Variants in SRGAP2B observed in about 807,000 individuals in gnomAD.
SRGAP2B encodes SLIT-ROBO Rho GTPase activating protein 2B, also known as SLIT-ROBO Rho GTPase-activating protein 2B.
In SRGAP2B, 9 loss-of-function variants were observed where a neutral mutation model predicts 22.2. That is an observed-to-expected ratio of 0.41 (90% CI 0.24 to 0.71). The LOEUF (loss-of-function observed/expected upper bound fraction) is 0.71, where lower values mean the gene tolerates loss of function less well. Ranked by LOEUF, SRGAP2B falls within the 30% of genes least tolerant of loss-of-function variation. The pLI is 0.35. For synonymous variants in SRGAP2B, 36 were observed against 87.4 expected, an observed-to-expected ratio of 0.41 and a Z score of 3.28; for missense variants, 114 against 235.8, an observed-to-expected ratio of 0.48 and a Z score of 3.38.
chr1:145,056,952 AACACACACACAC>A (rs199492508), intron 2 of SRGAP2B, among the ~76,000 whole-genome samples: 3 of 123,250 alleles, frequency 2.4e-5, no homozygotes, highest in African/African-American at 5.7e-5. Flanking sequence ...AAGGAGATAA[AACACACACACAC>A]ACACACACAC....
chr1:144,979,997 C>T (rs1244156017), intron 3 of SRGAP2B, among the ~76,000 whole-genome samples: 2 of 150,724 alleles, frequency 1.3e-5, no homozygotes, highest in African/African-American at 5.0e-5. Context: ...AAAGGACACA[C>T]ATTTCCACCC....
At chr1:145,068,893 ATGTGTGTGTGTGTGTGTGTGTGTGTG>A (rs797031320) in intron 2 of SRGAP2B, among the ~76,000 whole-genome samples, 7 of 109,180 alleles carry the variant, frequency 6.4e-5, no homozygotes, top group East Asian at 2.7e-4. Context: ...ATAAGGTAAA[ATGTGTGTGTGTGTGTGTGTGTGTGTG>A]TGTGTGTGTG....
intron 4 of SRGAP2B, among the ~76,000 whole-genome samples, chr1:144,924,678 G>A (rs1553604719): frequency 2.0e-5 from 3 of 149,500 alleles, no homozygotes; most frequent in Non-Finnish European, 4.4e-5. Flanking sequence ...CTTGCAGTGA[G>A]CCAAGATCGC....
At chr1:145,045,045 A>C (rs1411950827) in intron 2 of SRGAP2B, among the ~76,000 whole-genome samples, 4 of 147,264 alleles carry the variant, frequency 2.7e-5, no homozygotes, top group Non-Finnish European at 6.0e-5. Context: ...AGAATGCCAC[A>C]GACTGCATAA....
chr1:144,914,559 GGTCACCCCCAGTGGGGACCATGCACTT>G, intron 5 of SRGAP2B, 106 bp downstream of exon 5: 2 of 604,414 alleles, frequency 3.3e-6, no homozygotes, highest in Non-Finnish European at 6.1e-6. Flanking sequence ...AGATGGGTGG[GGTCACCCCCAGTGGGGACCATGCACTT>G]GTCCTCAACC....
chr1:145,068,925 G>C lies in SRGAP2B; in HGVS notation c.67+23910C>G, dbSNP rs1553632900. 1.4e-5 allele frequency among the ~76,000 whole-genome samples: 2 copies of C among 148,038 alleles called. 1 individual carries two copies. The highest frequency in any genetic ancestry group is 1.4e-4 in the Admixed American group (2 of 14,742). ...TGTGTGTGTGTGTGTGTGTGTGTGTGTGTGTGTGTGTGTGTGTGTGTGTAT... is the reference window on the plus strand; with the variant it reads ...TGTGTGTGTGTGTGTGTGTGTGTGTCTGTGTGTGTGTGTGTGTGTGTGTAT... On this transcript the variant is annotated intron_variant, in intron 2 of 9. Coordinates refer to ENST00000612199, the Ensembl canonical transcript of SRGAP2B.
intron 4 of SRGAP2B, 128 bp downstream of exon 4, chr1:144,955,311 T>C (rs1159657319): frequency 4.0e-5 from 19 of 473,712 alleles, no homozygotes; most frequent in Admixed American, 1.5e-4. Context: ...CATGGGTAAA[T>C]TGCATGTCAT....
chr1:144,954,426 T>A (rs1158201741), intron 4 of SRGAP2B, among the ~76,000 whole-genome samples: 21 of 151,946 alleles, frequency 1.4e-4, no homozygotes, highest in African/African-American at 5.1e-4. Flanking sequence ...TACTTTCAAA[T>A]TTTAATAATG....
At chr1:144,977,756 TGTAAGTCTAACATTATG>T (rs1412567860) in intron 3 of SRGAP2B, among the ~76,000 whole-genome samples, 1 of 150,324 alleles carries the variant, frequency 6.7e-6, no homozygotes, top group Non-Finnish European at 1.5e-5. Flanking sequence ...GCAATTTTTC[TGTAAGTCTAACATTATG>T]GCAAAATTTT....
At chr1:145,026,388 T>TA (rs1205833670) in intron 2 of SRGAP2B, among the ~76,000 whole-genome samples, 3 of 64,628 alleles carry the variant, frequency 4.6e-5, no homozygotes, top group East Asian at 5.6e-4. Context: ...AAACGAAAAA[T>TA]AAAAAAATTA....
chr1:145,020,076 T>A (rs1672683263), intron 2 of SRGAP2B, among the ~76,000 whole-genome samples: 3 of 148,414 alleles, frequency 2.0e-5, no homozygotes, highest in South Asian at 4.3e-4. Flanking sequence ...AAATGTGACC[T>A]ATTCCATGAG....
chr1:145,093,615 C>T lies in SRGAP2B; in HGVS notation c.-542-172G>A, dbSNP rs1293532603. Among the ~76,000 whole-genome samples the T allele has an allele frequency of 3.6e-5, 5 of 139,760 alleles. 1 individual carries two copies. The highest frequency in any genetic ancestry group is 2.2e-4 in the South Asian group (1 of 4,532). The allele number at this position is 139,760 out of a possible 152,430, so 91.7% of individuals were successfully genotyped here. On this transcript the variant is annotated intron_variant, in intron 1 of 9. Transcript: ENST00000612199. ...TACGAGGTGGGGAGGAAGGAAGCTC[C>T]CTCCGGATTTTAAGGCTGAAAGAAA...
At chr1:145,093,665 G>C (rs587753900) in intron 1 of SRGAP2B, among the ~76,000 whole-genome samples, 3 of 146,218 alleles carry the variant, frequency 2.1e-5, no homozygotes, top group Admixed American at 1.3e-4. Context: ...CCGCCTGCGC[G>C]GGCTCCGGGC....
chr1:144,909,792 T>A (rs1411545104), intron 5 of SRGAP2B, among the ~76,000 whole-genome samples: 1 of 150,436 alleles, frequency 6.6e-6, no homozygotes, highest in Non-Finnish European at 1.5e-5. Context: ...TCTAGGCCTC[T>A]TCACAACTCA....
At chr1:145,088,553 A>G (rs587680233) in intron 2 of SRGAP2B, among the ~76,000 whole-genome samples, 5 of 134,220 alleles carry the variant, frequency 3.7e-5, no homozygotes, top group African/African-American at 8.6e-5. Context: ...CTTCTGGAAT[A>G]TTTGCATGAA....
intron 3 of SRGAP2B, among the ~76,000 whole-genome samples, chr1:144,967,564 AC>A (rs1382892055): frequency 1.3e-5 from 2 of 148,500 alleles, no homozygotes; most frequent in Non-Finnish European, 3.0e-5. Flanking sequence ...TGACACCCTA[AC>A]ATCAAAATTA....
chr1:145,040,844 C>T (rs587717144), intron 2 of SRGAP2B, among the ~76,000 whole-genome samples: 1 of 148,354 alleles, frequency 6.7e-6, no homozygotes, highest in Non-Finnish European at 1.5e-5. Flanking sequence ...AGCCTGTTCA[C>T]ATCTTAGGTC....
chr1:144,924,608 T>G (rs1297491076), intron 4 of SRGAP2B, among the ~76,000 whole-genome samples: 1 of 151,222 alleles, frequency 6.6e-6, no homozygotes, highest in African/African-American at 2.4e-5. Context: ...GGCGGGCGCC[T>G]GTAGTCCCAG....
At chr1:144,926,904 A>G (rs1442311402) in intron 4 of SRGAP2B, among the ~76,000 whole-genome samples, 2 of 151,082 alleles carry the variant, frequency 1.3e-5, no homozygotes, top group Non-Finnish European at 3.0e-5. Context: ...GATGATTATT[A>G]GTGTTGTTTT....
Sources: allele counts gnomAD v4.1 joint callset (sites outside exome capture counted in the v4.1 genomes callset), GRCh38; gene constraint gnomAD v4.1.1; transcripts MANE v1.5; gene names NCBI Gene and HGNC (gene_info 2026-07-23, HGNC 2026-07-21).